THADA: variants seen among roughly 807,000 people sequenced by gnomAD.
THADA encodes the protein tRNA (32-2'-O)-methyltransferase regulator THADA.
THADA carries 213 observed loss-of-function variants against 219.8 expected under a neutral mutation model. The observed-to-expected ratio is 0.97, with a 90% confidence interval of 0.87 to 1.09. The LOEUF (loss-of-function observed/expected upper bound fraction) is 1.09. THADA is among the 50% of genes least tolerant of loss of function. The pLI is 0.00. For synonymous variants in THADA, 1,018 were observed against 828.9 expected (o/e 1.23, Z -3.92); for missense variants, 2,956 against 2,311.3 (o/e 1.28, Z -5.72).
At chr2:43,557,095 A>AAAAAC (rs1558967322) in intron 16 of THADA, among the ~76,000 whole-genome samples, 4 of 152,264 alleles carry the variant, frequency 2.6e-5, no homozygotes, top group East Asian at 1.9e-4. Context: ...TTAAAAGAAA[A>AAAAAC]AAAACAAAAC....
chr2:43,436,651 G>A (rs1413800617), intron 26 of THADA, among the ~76,000 whole-genome samples: 2 of 152,142 alleles, frequency 1.3e-5, no homozygotes, highest in East Asian at 3.9e-4. Context: ...TGGATAGGTT[G>A]GAATGACTGT....
At chr2:43,251,453 C>G (rs1408158369) in intron 36 of THADA, among the ~76,000 whole-genome samples, 1 of 152,224 alleles carries the variant, frequency 6.6e-6, no homozygotes, top group African/African-American at 2.4e-5. Flanking sequence ...TGTCCTGTTT[C>G]CTCTCCTTTA....
chr2:43,567,158 C>T (rs760991312), intron 14 of THADA, among the ~76,000 whole-genome samples: 3 of 151,794 alleles, frequency 2.0e-5, no homozygotes, highest in Non-Finnish European at 4.4e-5. Context: ...ACCAAAGATC[C>T]CTGCATTCAT....
intron 31 of THADA, among the ~76,000 whole-genome samples, chr2:43,299,792 C>G (rs113457549): frequency 3.2e-4 from 49 of 151,936 alleles, no homozygotes; most frequent in African/African-American, 1.2e-3. Flanking sequence ...TTTGGGAGGC[C>G]AAGGTGGGCA....
chr2:43,580,034 T>C (rs1700252807), intron 8 of THADA, among the ~76,000 whole-genome samples: 1 of 149,820 alleles, frequency 6.7e-6, no homozygotes, highest in East Asian at 1.9e-4. Context: ...CTTTTTTTTT[T>C]TTTTTTTTTG....
At chr2:43,465,832 T>C (rs1270607379) in intron 26 of THADA, among the ~76,000 whole-genome samples, 5 of 152,060 alleles carry the variant, frequency 3.3e-5, no homozygotes, top group African/African-American at 1.2e-4. Context: ...CCATTGGATG[T>C]CCCCCAGGCA....
intron 22 of THADA, among the ~76,000 whole-genome samples, chr2:43,509,115 C>A (rs1009096729): frequency 6.6e-6 from 1 of 152,122 alleles, no homozygotes. Flanking sequence ...AGATTTCCAA[C>A]AAAGAGAATA....
chr2:43,514,925 T>TATATTTTATGTATAATATATA (rs1558889461), intron 22 of THADA, among the ~76,000 whole-genome samples: 50 of 62,392 alleles, frequency 8.0e-4, no homozygotes, highest in African/African-American at 3.5e-3. Context: ...ATGTATAATA[T>TATATTTTATGTATAATATATA]ATATTTTACG....
chr2:43,414,734 T>C (rs1676726273), intron 28 of THADA, among the ~76,000 whole-genome samples: 1 of 152,180 alleles, frequency 6.6e-6, no homozygotes, highest in Non-Finnish European at 1.5e-5. Context: ...GGTAGGGACT[T>C]GACTCCCCTC....
chr2:43,260,186 C>T (rs147933105), intron 36 of THADA, among the ~76,000 whole-genome samples: 63 of 152,292 alleles, frequency 4.1e-4, no homozygotes, highest in African/African-American at 1.4e-3. Flanking sequence ...CCTCCAGCCT[C>T]GGCCTCTCAA....
intron 26 of THADA, among the ~76,000 whole-genome samples, chr2:43,440,157 A>G (rs1282935276): frequency 6.6e-6 from 1 of 152,212 alleles, no homozygotes; most frequent in African/African-American, 2.4e-5. Flanking sequence ...ATACAGGTAT[A>G]TACTTTTAGT....
chr2:43,502,067 G>C (rs1016464313), intron 24 of THADA, among the ~76,000 whole-genome samples: 3 of 152,124 alleles, frequency 2.0e-5, no homozygotes, highest in Non-Finnish European at 1.5e-5. Context: ...AAGAAGAAAA[G>C]GATGTGTTAT....
At chr2:43,442,920 C>T (rs1249308030) in intron 26 of THADA, among the ~76,000 whole-genome samples, 1 of 152,218 alleles carries the variant, frequency 6.6e-6, no homozygotes, top group Non-Finnish European at 1.5e-5. Flanking sequence ...CCGCACCCCT[C>T]CTGTCAGACT....
At chr2:43,279,640 G>A (rs1673109688) in intron 36 of THADA, 125 bp downstream of exon 36, 1 of 1,238,996 alleles carries the variant, frequency 8.1e-7, no homozygotes, top group Non-Finnish European at 1.1e-6. Context: ...CCACTAAGAT[G>A]GCAGAGTTGA....
At position 43,303,858 on chromosome 2, in the gene THADA, C is replaced by A. The variant is rs1030639154; in HGVS notation, c.4439-10645G>T. Among the ~76,000 whole-genome samples the A allele has an allele frequency of 5.9e-5, 9 of 152,134 alleles. 1 individual carries two copies. Among genetic ancestry groups the A allele is most frequent in the Non-Finnish European group, 1.3e-4 (9 of 68,016 alleles). On this transcript the variant is annotated intron_variant, in intron 31 of 37. Transcript: ENST00000405975. The stretch of plus-strand genomic sequence containing the variant: ...ACCGGCGGTTCTCAAACTTTAGCTG[C>A]TCACCCCAAGTTTCTAATTTCAGTA...
At chr2:43,449,371 G>A (rs948029206) in intron 26 of THADA, among the ~76,000 whole-genome samples, 1 of 152,100 alleles carries the variant, frequency 6.6e-6, no homozygotes, top group Admixed American at 6.6e-5. Context: ...TCTAGAAGGA[G>A]AAGAGAGAGA....
intron 31 of THADA, among the ~76,000 whole-genome samples, chr2:43,306,165 C>A (rs367910952): frequency 6.6e-6 from 1 of 152,212 alleles, no homozygotes; most frequent in South Asian, 2.1e-4. Context: ...CACGAGCCCC[C>A]ATGCCTGGCT....
At chr2:43,234,299 G>T (rs1667773315) in intron 36 of THADA, among the ~76,000 whole-genome samples, 1 of 152,152 alleles carries the variant, frequency 6.6e-6, no homozygotes, top group Non-Finnish European at 1.5e-5. Context: ...CCTGCAGTAG[G>T]GCCAGGACTA....
intron 25 of THADA, among the ~76,000 whole-genome samples, chr2:43,491,575 A>G (rs1011756957): frequency 1.3e-5 from 2 of 152,186 alleles, no homozygotes; most frequent in Non-Finnish European, 2.9e-5. Context: ...ACATACAAAT[A>G]ATTAACACTG....
Sources: allele counts gnomAD v4.1 joint callset (sites outside exome capture counted in the v4.1 genomes callset), GRCh38; gene constraint gnomAD v4.1.1; transcripts MANE v1.5; gene names NCBI Gene and HGNC (gene_info 2026-07-23, HGNC 2026-07-21).